ENDOD1: variants seen among roughly 807,000 people sequenced by gnomAD.
ENDOD1 encodes endonuclease domain containing 1.
A neutral mutation model predicts 6.5 loss-of-function variants in ENDOD1; 9 were observed. The ratio of observed to expected loss-of-function variants is 1.39; its 90% CI spans 0.84 to 2.43. The LOEUF (loss-of-function observed/expected upper bound fraction) is 2.43, where lower values mean the gene tolerates loss of function less well. Ranked by LOEUF, ENDOD1 falls within the 30% of genes most tolerant of loss-of-function variation. The probability of loss-of-function intolerance (pLI) is 0.00; values close to 1 mark genes in which losing one functional copy is unlikely to be tolerated. For missense variants in ENDOD1, 648 were observed against 635.5 expected, an observed-to-expected ratio of 1.02 and a Z score of -0.21; for synonymous variants, 255 against 255.2, an observed-to-expected ratio of 1.00 and a Z score of 0.01.
At chr11:95,097,739 A>C (rs1859000658) in intron 1 of ENDOD1, among the ~76,000 whole-genome samples, 1 of 152,228 alleles carries the variant, frequency 6.6e-6, no homozygotes, top group African/African-American at 2.4e-5. Context: ...AGATGATAGC[A>C]CTGTATATTC....
At chr11:95,103,767 C>T (rs1859063921) in intron 1 of ENDOD1, among the ~76,000 whole-genome samples, 1 of 152,212 alleles carries the variant, frequency 6.6e-6, no homozygotes, top group African/African-American at 2.4e-5. Flanking sequence ...AATAAATTGT[C>T]CCTCTCCTAC....
At chr11:95,095,526 T>C (rs1858975418) in intron 1 of ENDOD1, among the ~76,000 whole-genome samples, 1 of 152,294 alleles carries the variant, frequency 6.6e-6, no homozygotes, top group Non-Finnish European at 1.5e-5. Context: ...GTTAAGGTAT[T>C]TACCTGCGTT....
intron 1 of ENDOD1, among the ~76,000 whole-genome samples, chr11:95,108,059 T>TTGCCCCCAGGCCA (rs1424299933): frequency 1.1e-4 from 16 of 152,218 alleles, no homozygotes; most frequent in Admixed American, 3.3e-4. Context: ...GAGAGTCTGT[T>TTGCCCCCAGGCCA]TGCCCCCAGG....
At chr11:95,100,328 T>G (rs1859025885) in intron 1 of ENDOD1, among the ~76,000 whole-genome samples, 1 of 152,162 alleles carries the variant, frequency 6.6e-6, no homozygotes, top group South Asian at 2.1e-4. Flanking sequence ...TGGAAACCCT[T>G]CAGGACTCCC....
chr11:95,104,673 C>T (rs553538304), intron 1 of ENDOD1, among the ~76,000 whole-genome samples: 5 of 152,274 alleles, frequency 3.3e-5, no homozygotes, highest in African/African-American at 1.2e-4. Flanking sequence ...AAGGGCAGGG[C>T]TGTTGAAAGA....
At chr11:95,118,295 C>G (rs1555112670) in intron 1 of ENDOD1, among the ~76,000 whole-genome samples, 1 of 152,166 alleles carries the variant, frequency 6.6e-6, no homozygotes, top group African/African-American at 2.4e-5. Context: ...CATTAACATC[C>G]TTTTCTTTCT....
chr11:95,108,534 C>CACACACACACAAAAA (rs1176686943), intron 1 of ENDOD1, among the ~76,000 whole-genome samples: 7 of 141,756 alleles, frequency 4.9e-5, no homozygotes, highest in African/African-American at 1.8e-4. Context: ...CACAGACACC[C>CACACACACACAAAAA]AAAAAAAGAA....
Position 95,128,464 on chromosome 11 carries a change from T to G in ENDOD1, c.388T>G (p.Leu130Val). The change falls in exon 2 of 2, where the codon TTG (leucine) becomes GTG (valine). Residue 130 changes from leucine to valine, a missense_variant. Transcript: ENST00000278505. ...GAACAGCCTGGGAAGCAAGCAAGCC[T>G]TGAATACAGATTACCTTGATTCTGA... ...SVNSLGSKQA[L>V]NTDYLDSDYQ... 1.2e-6 allele frequency: 2 copies of G among 1,614,234 alleles called. No homozygotes were observed. The highest frequency in any genetic ancestry group is 8.5e-7 in the Non-Finnish European group (1 of 1,180,036).
intron 1 of ENDOD1, among the ~76,000 whole-genome samples, chr11:95,126,488 A>G (rs1024070200): frequency 6.6e-6 from 1 of 152,218 alleles, no homozygotes; most frequent in Non-Finnish European, 1.5e-5. Flanking sequence ...AGATAGAGGA[A>G]AAAATATGAC....
At chr11:95,093,303 C>A (rs910704845) in intron 1 of ENDOD1, among the ~76,000 whole-genome samples, 1 of 152,186 alleles carries the variant, frequency 6.6e-6, no homozygotes, top group African/African-American at 2.4e-5. Flanking sequence ...TCTCATAAAC[C>A]AGACTGTTTG....
chr11:95,093,643 C>T (rs150183617), intron 1 of ENDOD1, among the ~76,000 whole-genome samples: 6 of 152,250 alleles, frequency 3.9e-5, no homozygotes, highest in East Asian at 1.9e-4. Context: ...ATAGAAAGCA[C>T]GCGATAAGTG....
intron 1 of ENDOD1, 137 bp downstream of exon 1, chr11:95,090,364 C>T: frequency 2.5e-6 from 3 of 1,207,802 alleles, no homozygotes; most frequent in African/African-American, 3.2e-5. Context: ...CCAAGAAACC[C>T]GGGTTCCAGG....
intron 1 of ENDOD1, among the ~76,000 whole-genome samples, chr11:95,101,623 C>G (rs1555110885): frequency 6.6e-6 from 1 of 152,172 alleles, no homozygotes. Context: ...GATACTCAGT[C>G]TTTACAATTT....
intron 1 of ENDOD1, among the ~76,000 whole-genome samples, chr11:95,126,629 A>G (rs1168941723): frequency 6.6e-6 from 1 of 152,212 alleles, no homozygotes; most frequent in Non-Finnish European, 1.5e-5. Flanking sequence ...TTTCAACATT[A>G]TAGCATATAT....
chr11:95,122,961 G>A (rs1050383133), intron 1 of ENDOD1, among the ~76,000 whole-genome samples: 1 of 152,094 alleles, frequency 6.6e-6, no homozygotes, highest in East Asian at 1.9e-4. Context: ...GGCCGAGGCG[G>A]GCAGATCACT....
chr11:95,124,751 C>T lies in ENDOD1; in HGVS notation c.301-3626C>T, dbSNP rs370256479. ...AAAGGCCTTACCTGGTTGTCAGGTG[C>T]AAGGCCATGGCTGAAATCTGAAGCC... On this transcript the variant is annotated intron_variant, in intron 1 of 1. Transcript: ENST00000278505. Among the ~76,000 whole-genome samples, 3 of 152,144 alleles carry T rather than the reference C, an allele frequency of 2.0e-5. No individual in the cohort carries two copies. In the South Asian group the frequency reaches 6.2e-4, roughly 32 times the overall value.
chr11:95,112,309 A>G (rs610520), intron 1 of ENDOD1, among the ~76,000 whole-genome samples: 147,932 of 152,344 alleles, frequency 0.97, 71,848 homozygotes, highest in East Asian at 1. Context: ...TCATTCAGAT[A>G]CTTGGGATGC....
At chr11:95,127,800 C>T (rs1393506281) in intron 1 of ENDOD1, among the ~76,000 whole-genome samples, 1 of 151,890 alleles carries the variant, frequency 6.6e-6, no homozygotes, top group Admixed American at 6.6e-5. Flanking sequence ...TGCTCTGTTG[C>T]CCCGGCTGGA....
At chr11:95,116,019 T>C (rs1255443550) in intron 1 of ENDOD1, among the ~76,000 whole-genome samples, 3 of 152,202 alleles carry the variant, frequency 2.0e-5, no homozygotes, top group African/African-American at 7.2e-5. Flanking sequence ...TGTTTGGATG[T>C]ATTCTCTTCT....
Sources: gnomAD v4.1 joint callset for allele counts (sites outside exome capture counted in the v4.1 genomes callset) on GRCh38, gnomAD v4.1.1 for gene constraint, MANE v1.5 for transcripts, NCBI Gene and HGNC (gene_info 2026-07-23, HGNC 2026-07-21) for gene names.